The following FCN1 variants were observed in gnomAD, a reference collection of about 807,000 sequenced individuals.
FCN1 encodes the protein ficolin 1, also known as ficolin-1.
A neutral mutation model predicts 35.6 loss-of-function variants in FCN1; 42 were observed. The ratio of observed to expected loss-of-function variants is 1.18; its 90% CI spans 0.92 to 1.53. The LOEUF (loss-of-function observed/expected upper bound fraction) is 1.53. Ranked by LOEUF, FCN1 falls within the 40% of genes most tolerant of loss-of-function variation. FCN1 has a pLI of 0.00. For missense variants in FCN1, 439 were observed against 428.4 expected, an observed-to-expected ratio of 1.02 and a Z score of -0.22; for synonymous variants, 179 against 169.8, an observed-to-expected ratio of 1.05 and a Z score of -0.42.
chr9:134,911,340 TA>T, intron 7 of FCN1, 73 bp from the exon 8 acceptor site: 2 of 1,282,922 alleles, frequency 1.6e-6, no homozygotes, highest in Non-Finnish European at 2.2e-6. Context: ...TGGGGATGGG[TA>T]ATTTTTTTTT....
At chr9:134,914,732 C>T (rs879816743) in intron 3 of FCN1, 24 bp downstream of exon 3, 22 of 1,595,672 alleles carry the variant, frequency 1.4e-5, no homozygotes, top group Non-Finnish European at 1.9e-5. Context: ...CTCAAGGCCT[C>T]CTCGCTGTCT....
Position 134,909,845 on chromosome 9 carries a change from AC to A in FCN1, c.933del (p.Tyr312ThrfsTer10). On this transcript the variant is annotated frameshift_variant, in exon 9 of 9. Transcript: ENST00000371806. LOFTEE classifies it high-confidence loss of function. ...TCTGACACCTTGTAGCTATATTTGT[AC>A]CCCTTCGCCGCACTCCAGTTGATAC... is the stretch of plus-strand genomic sequence containing the variant. ...ANGINWSAAKGYKYSYKVSEM... is the reference protein window; with the variant it reads ...ANGINWSAAKXYKYSYKVSEM... 6.2e-7 allele frequency: 1 copy of A among 1,613,378 alleles called. No individual in the cohort carries two copies. Among genetic ancestry groups the A allele is most frequent in the Non-Finnish European group, 8.5e-7 (1 of 1,179,856 alleles).
rs1180235424 is a variant in FCN1, at chr9:134,905,971, CCTTCTT to C, written c.*3821_*3826del. 55 of 135,940 alleles carry C rather than the reference CCTTCTT, an allele frequency of 4.0e-4. 1 individual carries two copies. The highest frequency in any genetic ancestry group is 7.4e-3 in the Middle Eastern group (2 of 270). 8.4% of individuals were successfully genotyped at this position (135,940 alleles called of 1,614,324 possible). On this transcript the variant is annotated 3_prime_UTR_variant, in exon 9 of 9. Coordinates refer to ENST00000371806, the MANE Select transcript of FCN1 (RefSeq NM_002003.5). ...TCTCCCTCTCCCTCTCCCTCTTTCT[CCTTCTT>C]CTTCTTCTTCTTTTTATTTTTATTT...
rs1418152202 is a variant in FCN1, at chr9:134,912,635, CAG to C, written c.469-22_469-21del. On this transcript the variant is annotated intron_variant, in intron 6 of 8. Coordinates refer to ENST00000371806, the MANE Select transcript of FCN1 (RefSeq NM_002003.5). ...GAAAACCTGTGAAGAAGCCAGGATA[CAG>C]AGTTAGGCGGGGCAGGCCGAGGTCC... The C allele has an allele frequency of 8.7e-6, 14 of 1,614,074 alleles. No homozygotes were observed. Among genetic ancestry groups the C allele is most frequent in the Non-Finnish European group, 1.2e-5 (14 of 1,179,942 alleles).
At position 134,909,391 on chromosome 9, in the gene FCN1, T is replaced by C. The variant is rs1830992397; in HGVS notation, c.*407A>G. 1 of 1,289,798 alleles carries C rather than the reference T, an allele frequency of 7.8e-7. No homozygotes were observed. Among genetic ancestry groups the C allele is most frequent in the African/African-American group, 1.5e-5 (1 of 65,840 alleles). 79.9% of individuals were successfully genotyped at this position (1,289,798 alleles called of 1,614,324 possible). A position where few individuals can be genotyped will look rare whatever the true frequency, so the allele number is the denominator to read the frequency against. On this transcript the variant is annotated 3_prime_UTR_variant, in exon 9 of 9. Coordinates refer to ENST00000371806, the MANE Select transcript of FCN1 (RefSeq NM_002003.5). ...GGGGGTGGAGGTGAGGATCGCCCTG[T>C]GTCAATTACTGGAGGTGGAAAATCC...
At position 134,912,586 on chromosome 9, in the gene FCN1, C is replaced by T. The variant is rs1293653749; in HGVS notation, c.498G>A (p.Val166=). 4 of 1,614,040 alleles carry T rather than the reference C, an allele frequency of 2.5e-6. No individual in the cohort carries two copies. Among genetic ancestry groups the T allele is most frequent in the African/African-American group, 1.3e-5 (1 of 74,940 alleles). Residue 166 remains valine, a synonymous_variant, in exon 7 of 9, where the codon GTG becomes GTA. Coordinates refer to ENST00000371806, the MANE Select transcript of FCN1 (RefSeq NM_002003.5). The stretch of plus-strand genomic sequence containing the variant: ...ATGCGGCCCAGTCCCGATAGAAGTC[C>T]ACAGAGCCATCCATCCTCCGCTGGA... The part of the protein sequence containing the change: ...TVFQRRMDGS[V]DFYRDWAAYK...
At chr9:134,910,265 C>T (rs118032236) in intron 8 of FCN1, among the ~76,000 whole-genome samples, 210 of 152,282 alleles carry the variant, frequency 1.4e-3, no homozygotes, top group Non-Finnish European at 2.0e-3. Context: ...CCTGAGGCCC[C>T]TGCTCCAGCA....
chr9:134,911,240 A>T lies in FCN1; in HGVS notation c.626T>A (p.Val209Glu). 1.3e-5 allele frequency: 21 copies of T among 1,609,158 alleles called. No individual in the cohort carries two copies. The highest frequency in any genetic ancestry group is 1.7e-5 in the Non-Finnish European group (20 of 1,178,024). Residue 209 changes from valine to glutamate, a missense_variant, in exon 8 of 9, where the codon GTG becomes GAG. By Grantham distance (121) the Val-to-Glu change is moderately radical (BLOSUM62 -2). Transcript: ENST00000371806. ...QGSSELRVDLVDFEGNHQFAK... is the reference protein window; with the variant it reads ...QGSSELRVDLEDFEGNHQFAK... ...AAACTGGTGGTTGCCCTCAAAGTCC[A>T]CCAGGTCTACACGGAGCTCGCTGCT... is the stretch of plus-strand genomic sequence containing the variant.
Position 134,909,478 on chromosome 9 carries a change from A to G in FCN1, c.*320T>C. ...TGCCATCTGCTAAATAAGGGTCCTGACTCTTCCCGACTTACCAAATTCCAG... is the reference window on the plus strand; with the variant it reads ...TGCCATCTGCTAAATAAGGGTCCTGGCTCTTCCCGACTTACCAAATTCCAG... On this transcript the variant is annotated 3_prime_UTR_variant, in exon 9 of 9. Coordinates refer to ENST00000371806, the MANE Select transcript of FCN1 (RefSeq NM_002003.5). The G allele has an allele frequency of 7.6e-7, 1 of 1,315,270 alleles. No individual in the cohort carries two copies. The allele number at this position is 1,315,270 out of a possible 1,614,324, so 81.5% of individuals were successfully genotyped here.
chr9:134,909,879 A>G lies in FCN1; in HGVS notation c.900T>C (p.Tyr300=). ...GLYLMGPHES[Y]ANGINWSAAK... is the part of the protein sequence containing the mutation. ...CCGCACTCCAGTTGATACCATTGGC[A>G]TAGCTCTCATGGGGTCCCATGAGGT... is the stretch of plus-strand genomic sequence containing the variant. Residue 300 remains tyrosine (Y), a synonymous_variant, in exon 9 of 9, where the codon TAT becomes TAC. Transcript: ENST00000371806. The G allele has an allele frequency of 6.2e-7, 1 of 1,614,100 alleles. No individual in the cohort carries two copies. The highest frequency in any genetic ancestry group is 1.6e-4 in the Middle Eastern group (1 of 6,062).
intron 7 of FCN1, 106 bp from the exon 8 acceptor site, chr9:134,911,373 C>A: frequency 2.1e-6 from 2 of 966,460 alleles, no homozygotes; most frequent in Non-Finnish European, 3.1e-6. Flanking sequence ...AGACAGAGTT[C>A]CGCTCTTGTT....
In FCN1 at chr9:134,914,828, T is replaced by A; in HGVS notation, c.218-19A>T. On this transcript the variant is annotated intron_variant, in intron 2 of 8. Transcript: ENST00000371806. ...CGTTCTCCTGAAAATTCCAAAGACATATCACTGAGAAAAATGCAACCTAAA... is the reference window on the plus strand; with the variant it reads ...CGTTCTCCTGAAAATTCCAAAGACAAATCACTGAGAAAAATGCAACCTAAA... The A allele has an allele frequency of 6.2e-7, 1 of 1,604,766 alleles. No homozygotes were observed.
intron 2 of FCN1, 128 bp from the exon 3 acceptor site, chr9:134,914,937 G>A (rs3012789): frequency 0.57 from 385,174 of 673,266 alleles, 114,108 homozygotes; most frequent in Non-Finnish European, 0.62. Flanking sequence ...GGTTCCAGGA[G>A]CTCTCAGAAT....
chr9:134,917,733 A>G (rs1023627909), intron 1 of FCN1, 36 bp downstream of exon 1: 2 of 1,435,694 alleles, frequency 1.4e-6, no homozygotes, highest in Non-Finnish European at 2.0e-6. Context: ...GGTTGTTACC[A>G]GCTTTTAGGG....
chr9:134,909,931 C>T lies in FCN1; in HGVS notation c.848G>A (p.Cys283Tyr). ...KFQGAWWYADCHASNLNGLYL... is the reference protein window; with the variant it reads ...KFQGAWWYADYHASNLNGLYL... The stretch of plus-strand genomic sequence containing the variant: ...GAGACCATTGAGGTTTGAAGCATGA[C>T]AGTCGGCGTACCACCAGGCTCCTTG... The change falls in exon 9 of 9, where the codon TGT (cysteine) becomes TAT (tyrosine). Residue 283 changes from cysteine to tyrosine, a missense_variant. By Grantham distance (194) the Cys-to-Tyr change is radical. Transcript: ENST00000371806. 1 of 1,614,148 alleles carries T rather than the reference C, an allele frequency of 6.2e-7. No homozygotes were observed. Among genetic ancestry groups the T allele is most frequent in the South Asian group, 1.1e-5 (1 of 91,076 alleles).
chr9:134,917,875 C>T lies in FCN1; in HGVS notation c.-4G>A, dbSNP rs1184173094. 6.8e-6 allele frequency: 11 copies of T among 1,608,172 alleles called. No homozygotes were observed. The highest frequency in any genetic ancestry group is 9.4e-6 in the Non-Finnish European group (11 of 1,174,816). On this transcript the variant is annotated 5_prime_UTR_variant, in exon 1 of 9. Transcript: ENST00000371806. Reference sequence around the variant, plus strand: ...TGGTGGCTCCACTCAGCTCCATGCTCTCTGGCCTTTGACTCTGAAGAGTCC... The same window carrying T: ...TGGTGGCTCCACTCAGCTCCATGCTTTCTGGCCTTTGACTCTGAAGAGTCC...
chr9:134,911,511 CTTT>C (rs34347752), intron 7 of FCN1, among the ~76,000 whole-genome samples: 1 of 144,320 alleles, frequency 6.9e-6, no homozygotes, highest in Admixed American at 6.8e-5. Context: ...CACACAGCTA[CTTT>C]TTTTTTTTTT....
intron 4 of FCN1, 109 bp from the exon 5 acceptor site, chr9:134,913,722 C>T: frequency 3.9e-6 from 3 of 763,786 alleles, no homozygotes; most frequent in Non-Finnish European, 6.2e-6. Flanking sequence ...AAGGCAGCTC[C>T]TCTGATGTCT....
rs775834504 is a variant in FCN1, at chr9:134,907,289, C to T, written c.*2509G>A. On this transcript the variant is annotated 3_prime_UTR_variant, in exon 9 of 9. Transcript: ENST00000371806. ...GGCGTAGTAGGGTCTGGTCAGCCCC[C>T]AATGGGCTACAAGGACCTCTCCTTA... The T allele has an allele frequency of 2.3e-4, 35 of 152,156 alleles. No homozygotes were observed. Among genetic ancestry groups the T allele is most frequent in the Admixed American group, 4.6e-4 (7 of 15,280 alleles). The allele number at this position is 152,156 out of a possible 1,614,324, so 9.4% of individuals were successfully genotyped here. A position where few individuals can be genotyped will look rare whatever the true frequency, so the allele number is the denominator to read the frequency against.
Sources: allele counts gnomAD v4.1 joint callset (sites outside exome capture counted in the v4.1 genomes callset), GRCh38; gene constraint gnomAD v4.1.1; transcripts MANE v1.5; gene names NCBI Gene and HGNC (gene_info 2026-07-23, HGNC 2026-07-21).